The following PANK4 variants were observed in gnomAD, a reference collection of about 807,000 sequenced individuals.
PANK4 encodes pantothenate kinase 4 (inactive).
Under a neutral mutation model 87.9 loss-of-function variants are expected in PANK4, and 40 were observed. That is an observed-to-expected ratio of 0.46 (90% CI 0.35 to 0.59). The LOEUF (loss-of-function observed/expected upper bound fraction) is 0.59. Ranked by LOEUF, PANK4 falls within the 20% of genes least tolerant of loss-of-function variation. The pLI, the probability that PANK4 is intolerant of heterozygous loss-of-function variation, is 0.00. For synonymous variants in PANK4, 524 were observed against 467.4 expected (o/e 1.12, Z -1.56); for missense variants, 926 against 1,072.3 (o/e 0.86, Z 1.90).
At chr1:2,518,430 C>T in intron 8 of PANK4, 86 bp downstream of exon 8, 3 of 1,236,110 alleles carry the variant, frequency 2.4e-6, no homozygotes, top group East Asian at 5.1e-5. Flanking sequence ...ACCCCACCTC[C>T]ACCCTGGGCC....
In PANK4 at chr1:2,518,606, G is replaced by C. The variant is rs770855005; in HGVS notation, c.1036-9C>G. ...AGCGCCTGCACTTCCCCCTGCCGTG[G>C]CCAAAGCACACGTGCTGCTGTTGGC... On this transcript the variant is annotated splice_polypyrimidine_tract_variant and intron_variant, in intron 7 of 18. Coordinates refer to ENST00000378466, the MANE Select transcript of PANK4 (RefSeq NM_018216.4). The C allele has an allele frequency of 7.0e-6, 11 of 1,562,230 alleles. No homozygotes were observed. The highest frequency in any genetic ancestry group is 9.5e-6 in the Non-Finnish European group (11 of 1,152,996).
chr1:2,509,682 C>G lies in PANK4; in HGVS notation c.2108+180G>C. ...TCAGACCCTGAATCCATTCACCCTCCCCAGGCCACCTTCGGGGATGGCATA... is the reference window on the plus strand; with the variant it reads ...TCAGACCCTGAATCCATTCACCCTCGCCAGGCCACCTTCGGGGATGGCATA... On this transcript the variant is annotated intron_variant, in intron 18 of 18. Transcript: ENST00000378466. This position sits in a 1 kb window ranked among gnomAD's most constrained non-coding sequence, Gnocchi z 4.9. The G allele has an allele frequency of 1.6e-6, 1 of 637,808 alleles. No individual in the cohort carries two copies. The highest frequency in any genetic ancestry group is 1.9e-5 in the South Asian group (1 of 52,558). The allele number at this position is 637,808 out of a possible 1,614,324, so 39.5% of individuals were successfully genotyped here.
chr1:2,518,576 G>A lies in PANK4; in HGVS notation c.1057C>T (p.Leu353=). The A allele has an allele frequency of 6.4e-7, 1 of 1,572,004 alleles. No homozygotes were observed. The highest frequency in any genetic ancestry group is 8.6e-7 in the Non-Finnish European group (1 of 1,158,630). ...GCTCCCAGGTAGCCTTCGTGCCTCA[G>A]AAACAGCGCCTGCACTTCCCCCTGC... is the stretch of plus-strand genomic sequence containing the variant. ...FSKGEVQALF[L]RHEGYLGAIG... Residue 353 remains leucine, a synonymous_variant, in exon 8 of 19, where the codon CTG becomes TTG. Coordinates refer to ENST00000378466, the MANE Select transcript of PANK4 (RefSeq NM_018216.4).
At position 2,510,473 on chromosome 1, in the gene PANK4, A is replaced by G. The variant is rs1643642285; in HGVS notation, c.1938+205T>C. Reference sequence around the variant, plus strand: ...TGGCGTCAACCCTGGGCTTCAGCACATGGACCCTCAGCCTGAGCCCAGGGG... The same window carrying G: ...TGGCGTCAACCCTGGGCTTCAGCACGTGGACCCTCAGCCTGAGCCCAGGGG... On this transcript the variant is annotated intron_variant, in intron 16 of 18. Coordinates refer to ENST00000378466, the MANE Select transcript of PANK4 (RefSeq NM_018216.4). This position sits in a 1 kb window ranked among gnomAD's most constrained non-coding sequence, Gnocchi z 4.9. 2 of 601,646 alleles carry G rather than the reference A, an allele frequency of 3.3e-6. No homozygotes were observed. Among genetic ancestry groups the G allele is most frequent in the Non-Finnish European group, 3.0e-6 (1 of 338,224 alleles). 37.3% of individuals were successfully genotyped at this position (601,646 alleles called of 1,614,324 possible). A position where few individuals can be genotyped will look rare whatever the true frequency, so the allele number is the denominator to read the frequency against.
At chr1:2,523,412 T>G (rs1643894553) in intron 1 of PANK4, among the ~76,000 whole-genome samples, 2 of 152,124 alleles carry the variant, frequency 1.3e-5, no homozygotes. Context: ...CCGACTCACC[T>G]CAGTAAATAA....
rs1486918715 is a variant in PANK4 at position 2,509,566 on chromosome 1, G to T, written c.2108+296C>A. On this transcript the variant is annotated intron_variant, in intron 18 of 18. Transcript: ENST00000378466. The surrounding 1 kb of genome is among the most constrained non-coding windows in gnomAD (Gnocchi z 4.9). Reference sequence around the variant, plus strand: ...CGGAGGTGACAGACACCGGGCAGCTGCCCAGGTCGCCCTCGGTCTCAGCTG... The same window carrying T: ...CGGAGGTGACAGACACCGGGCAGCTTCCCAGGTCGCCCTCGGTCTCAGCTG... 5.3e-5 allele frequency among the ~76,000 whole-genome samples: 8 copies of T among 152,208 alleles called. No homozygotes were observed. Among genetic ancestry groups the T allele is most frequent in the African/African-American group, 1.9e-4 (8 of 41,446 alleles).
rs1409818240 is a variant in PANK4 at position 2,520,934 on chromosome 1, G to C, written c.423-28C>G. On this transcript the variant is annotated intron_variant, in intron 3 of 18. Transcript: ENST00000378466. The surrounding 1 kb of genome is among the most constrained non-coding windows in gnomAD (Gnocchi z 6.2). ...GAAAAGGAAGCGCCAACCCCTTAAA[G>C]AGTCTGGGCCACAGACAGGTGCAAC... is the stretch of plus-strand genomic sequence containing the variant. The C allele has an allele frequency of 1.3e-6, 2 of 1,540,764 alleles. No individual in the cohort carries two copies. Among genetic ancestry groups the C allele is most frequent in the East Asian group, 2.3e-5 (1 of 44,296 alleles).
Position 2,519,677 on chromosome 1 carries a change from C to T in PANK4, c.853+124G>A. On this transcript the variant is annotated intron_variant, in intron 6 of 18. Coordinates refer to ENST00000378466, the MANE Select transcript of PANK4 (RefSeq NM_018216.4). This position sits in a 1 kb window ranked among gnomAD's most constrained non-coding sequence, Gnocchi z 8.3. ...CGGCAGGAAGAGGTTACAGGGCTGA[C>T]ACCCAAGACCCCGACTCTCCAGGGA... 2.0e-6 allele frequency: 2 copies of T among 1,017,720 alleles called. No individual in the cohort carries two copies. Among genetic ancestry groups the T allele is most frequent in the Non-Finnish European group, 2.8e-6 (2 of 717,362 alleles). The allele number at this position is 1,017,720 out of a possible 1,614,324, so 63.0% of individuals were successfully genotyped here. A position where few individuals can be genotyped will look rare whatever the true frequency, so the allele number is the denominator to read the frequency against.
At chr1:2,518,692 G>A (rs1207142951) in intron 7 of PANK4, 95 bp from the exon 8 acceptor site, 19 of 1,068,858 alleles carry the variant, frequency 1.8e-5, no homozygotes, top group East Asian at 1.0e-4. Flanking sequence ...CGCACCGCGC[G>A]GCCCAAACCC....
intron 2 of PANK4, 150 bp downstream of exon 2, chr1:2,521,568 G>T (rs775681841): frequency 1.3e-6 from 1 of 773,198 alleles, no homozygotes. Context: ...GGGACACGGC[G>T]GAAGGCAGGG....
intron 10 of PANK4, among the ~76,000 whole-genome samples, chr1:2,514,745 G>A (rs1322286706): frequency 6.6e-6 from 1 of 151,940 alleles, no homozygotes; most frequent in Non-Finnish European, 1.5e-5. Flanking sequence ...GCTGTGGTCA[G>A]GGCAGTTTCT....
Position 2,520,440 on chromosome 1 carries a change from C to T in PANK4, c.607-26G>A. 1.3e-6 allele frequency: 2 copies of T among 1,595,474 alleles called. No homozygotes were observed. The highest frequency in any genetic ancestry group is 1.7e-6 in the Non-Finnish European group (2 of 1,165,046). ...CTGCAACAGAGCCAGGGCAGGTGTGCCCTCAGTGGGCCCTCAGCCACACAG... is the reference window on the plus strand; with the variant it reads ...CTGCAACAGAGCCAGGGCAGGTGTGTCCTCAGTGGGCCCTCAGCCACACAG... On this transcript the variant is annotated intron_variant, in intron 4 of 18. Transcript: ENST00000378466. This position sits in a 1 kb window ranked among gnomAD's most constrained non-coding sequence, Gnocchi z 6.2.
At chr1:2,513,662 C>T (rs1424685243) in intron 12 of PANK4, among the ~76,000 whole-genome samples, 1 of 152,226 alleles carries the variant, frequency 6.6e-6, no homozygotes, top group East Asian at 1.9e-4. Context: ...CACAATCGCC[C>T]ACCCTCACAG....
intron 12 of PANK4, 149 bp downstream of exon 12, chr1:2,513,853 G>A (rs1557439017): frequency 2.8e-6 from 2 of 720,628 alleles, no homozygotes; most frequent in Non-Finnish European, 5.2e-6. Context: ...TGGCTATTGT[G>A]GTGCCAGGGC....
chr1:2,514,217 AG>A, intron 11 of PANK4, 128 bp from the exon 12 acceptor site: 1 of 1,116,682 alleles, frequency 9.0e-7, no homozygotes, highest in Non-Finnish European at 1.4e-6. Context: ...GCGGGGTCCA[AG>A]GGGGCTGTGC....
rs1342639068 is a variant in PANK4, at chr1:2,518,243, C to T, written c.1139G>A (p.Gly380Glu). The change falls in exon 9 of 19, where the codon GGA becomes GAA. Residue 380 changes from glycine (G) to glutamate (E), a missense_variant. Coordinates refer to ENST00000378466, the MANE Select transcript of PANK4 (RefSeq NM_018216.4). ...CCCGGAGCTGCCTGCATAGTTCTCT[C>T]CCCAGCTGTACTGGTTAGGATCTGG... ...EQDNPNQYSW[G>E]ENYAGSSGLM... 1.9e-6 allele frequency: 3 copies of T among 1,611,768 alleles called. No individual in the cohort carries two copies. Among genetic ancestry groups the T allele is most frequent in the Non-Finnish European group, 2.5e-6 (3 of 1,179,344 alleles).
intron 9 of PANK4, among the ~76,000 whole-genome samples, chr1:2,516,580 C>T (rs1185185099): frequency 1.3e-5 from 2 of 152,226 alleles, no homozygotes; most frequent in African/African-American, 4.8e-5. Flanking sequence ...ACATGCTGGC[C>T]CTCTGCCCTT....
chr1:2,513,138 G>C, intron 12 of PANK4, 99 bp from the exon 13 acceptor site: 1 of 1,340,856 alleles, frequency 7.5e-7, no homozygotes, highest in Non-Finnish European at 1.0e-6. Context: ...CGCCCCTCAG[G>C]ATCGAAGACT....
chr1:2,519,892 C>T lies in PANK4; in HGVS notation c.762G>A (p.Val254=). 1.9e-6 allele frequency: 3 copies of T among 1,567,918 alleles called. No homozygotes were observed. In the South Asian group the frequency reaches 3.5e-5, roughly 18 times the overall value. ...RGQHSNVDML[V]RDVYGGAHQT... ...GGTGGGCGCCGCCGTAGACGTCCCG[C>T]ACCAGCATGTCCACATTGCTGTGCT... The change falls in exon 6 of 19, where the codon GTG becomes GTA. Residue 254 remains valine, a synonymous_variant. Transcript: ENST00000378466. This position sits in a 1 kb window ranked among gnomAD's most constrained non-coding sequence, Gnocchi z 8.3.
Sources: allele counts gnomAD v4.1 joint callset (sites outside exome capture counted in the v4.1 genomes callset), GRCh38; gene constraint gnomAD v4.1.1; non-coding constraint Gnocchi (gnomAD v3.1); transcripts MANE v1.5; gene names NCBI Gene and HGNC (gene_info 2026-07-23, HGNC 2026-07-21).